Variants in KCND3 observed in about 807,000 individuals in gnomAD.
The protein encoded by KCND3 is potassium voltage-gated channel subfamily D member 3.
Under a neutral mutation model 51.1 loss-of-function variants are expected in KCND3, and 9 were observed. That is an observed-to-expected ratio of 0.18 (90% confidence interval 0.11 to 0.31). The LOEUF (loss-of-function observed/expected upper bound fraction) is 0.31, where lower values mean the gene tolerates loss of function less well. Ranked by LOEUF, KCND3 falls within the 10% of genes least tolerant of loss-of-function variation. KCND3 has a pLI of 1.00. For synonymous variants in KCND3, 349 were observed against 368.0 expected, an observed-to-expected ratio of 0.95 and a Z score of 0.59; for missense variants, 526 against 903.8, an observed-to-expected ratio of 0.58 and a Z score of 5.36.
chr1:111,940,480 G>C (rs552584339), intron 2 of KCND3, among the ~76,000 whole-genome samples: 1 of 152,230 alleles, frequency 6.6e-6, no homozygotes, highest in South Asian at 2.1e-4. Context: ...TTATTAAAGA[G>C]GGAATTCTTT....
intron 2 of KCND3, among the ~76,000 whole-genome samples, chr1:111,902,851 A>G (rs998879454): frequency 2.0e-5 from 3 of 152,178 alleles, no homozygotes; most frequent in African/African-American, 7.2e-5. Context: ...TATGATTAGT[A>G]CCTTCATATA....
chr1:111,968,607 C>G (rs1373976443), intron 2 of KCND3, among the ~76,000 whole-genome samples: 1 of 152,172 alleles, frequency 6.6e-6, no homozygotes, highest in Non-Finnish European at 1.5e-5. Context: ...ATCTTCCTCC[C>G]CTACCCCCGG....
intron 2 of KCND3, among the ~76,000 whole-genome samples, chr1:111,868,513 AG>A (rs1668684093): frequency 6.6e-6 from 1 of 152,200 alleles, no homozygotes; most frequent in Non-Finnish European, 1.5e-5. Flanking sequence ...CCGTGGTCTC[AG>A]GTGGCCTCTG....
chr1:111,959,287 C>G (rs1432541769), intron 2 of KCND3, among the ~76,000 whole-genome samples: 2 of 152,160 alleles, frequency 1.3e-5, no homozygotes, highest in Admixed American at 1.3e-4. Context: ...GCTATAGTTA[C>G]TCAAGGATGG....
rs760907112 is a variant in KCND3 at position 111,776,099 on chromosome 1, A to G, written c.1946T>C (p.Val649Ala). ...NTNIPSIASN[V>A]VKVSAL ...GTTTTACAAGGCGGAGACCTTGACA[A>G]CATTGCTGGCTATGGAAGGAATGTT... The change falls in exon 8 of 8, where the codon GTT (valine) becomes GCT (alanine). Residue 649 changes from valine to alanine, a missense_variant. Around this residue, in one of 5 missense-constraint regions of KCND3, gnomAD observed 266 missense variants for 305.5 expected, o/e 0.87. Transcript: ENST00000302127. 7 of 1,614,150 alleles carry G rather than the reference A, an allele frequency of 4.3e-6. No individual in the cohort carries two copies. In the Admixed American group the frequency reaches 1.0e-4, roughly 23 times the overall value.
chr1:111,899,554 G>A (rs535738693), intron 2 of KCND3, among the ~76,000 whole-genome samples: 16 of 152,306 alleles, frequency 1.1e-4, no homozygotes, highest in Admixed American at 8.5e-4. Flanking sequence ...CTGTGATTTC[G>A]CACTCCCTCC....
At chr1:111,954,117 G>T (rs896108163) in intron 2 of KCND3, among the ~76,000 whole-genome samples, 1 of 152,180 alleles carries the variant, frequency 6.6e-6, no homozygotes, top group Non-Finnish European at 1.5e-5. Flanking sequence ...GGCCCATAGA[G>T]CTCCCTTCTC....
chr1:111,961,250 C>T (rs990136080), intron 2 of KCND3, among the ~76,000 whole-genome samples: 2 of 152,220 alleles, frequency 1.3e-5, no homozygotes, highest in Non-Finnish European at 2.9e-5. Context: ...TAGGCGCCAG[C>T]GAGGCCATTG....
At position 111,989,542 on chromosome 1, in the gene KCND3, C is replaced by T. The variant is rs1316254602; in HGVS notation, c.-110G>A. Among the ~76,000 whole-genome samples, 1 of 150,126 alleles carries T rather than the reference C, an allele frequency of 6.7e-6. No homozygotes were observed. The highest frequency in any genetic ancestry group is 2.4e-5 in the African/African-American group (1 of 41,148). On this transcript the variant is annotated 5_prime_UTR_variant, in exon 1 of 8. Transcript: ENST00000302127. ...CAGCCCGGGCCCCGCGCCCGGCGCC[C>T]CGCGCGCGCGAGGAAGCTGCGGCCG...
At chr1:111,815,300 C>T (rs1027260794) in intron 2 of KCND3, among the ~76,000 whole-genome samples, 4 of 151,960 alleles carry the variant, frequency 2.6e-5, no homozygotes, top group Admixed American at 1.3e-4. Flanking sequence ...CCTTTCTCTC[C>T]TTCTTTCCTC....
At chr1:111,916,160 T>C (rs1055887016) in intron 2 of KCND3, among the ~76,000 whole-genome samples, 1 of 152,208 alleles carries the variant, frequency 6.6e-6, no homozygotes, top group South Asian at 2.1e-4. Context: ...CTGGCTAAGA[T>C]AAGACCGTAT....
At chr1:111,854,462 G>C (rs2101672835) in intron 2 of KCND3, among the ~76,000 whole-genome samples, 1 of 152,256 alleles carries the variant, frequency 6.6e-6, no homozygotes, top group African/African-American at 2.4e-5. Flanking sequence ...GCTTAGCCTA[G>C]ATAGGGACTT....
chr1:111,862,084 C>A (rs983523258), intron 2 of KCND3, among the ~76,000 whole-genome samples: 1 of 152,198 alleles, frequency 6.6e-6, no homozygotes, highest in Non-Finnish European at 1.5e-5. Context: ...TAGTGCAGGG[C>A]GCTGGCTGGG....
At chr1:111,935,944 G>A (rs1672198884) in intron 2 of KCND3, among the ~76,000 whole-genome samples, 1 of 152,190 alleles carries the variant, frequency 6.6e-6, no homozygotes, top group Admixed American at 6.5e-5. Flanking sequence ...CAAATGTGCT[G>A]AGGGAAAATA....
chr1:111,972,212 G>C (rs1045709931), intron 2 of KCND3, among the ~76,000 whole-genome samples: 13 of 109,292 alleles, frequency 1.2e-4, no homozygotes, highest in Middle Eastern at 9.3e-3. Flanking sequence ...TCGCTCTGTT[G>C]CCCAGGCTGG....
chr1:111,984,396 C>G (rs1315764855), intron 1 of KCND3, among the ~76,000 whole-genome samples: 1 of 152,192 alleles, frequency 6.6e-6, no homozygotes, highest in East Asian at 1.9e-4. Context: ...CATGACGTCC[C>G]TAACTGCAGG....
chr1:111,889,831 CAGG>C (rs200509563), intron 2 of KCND3, among the ~76,000 whole-genome samples: 4,687 of 152,164 alleles, frequency 0.031, 99 homozygotes, highest in Non-Finnish European at 0.041. Context: ...AGACGGGGAG[CAGG>C]AGGCCTGGGG....
intron 2 of KCND3, among the ~76,000 whole-genome samples, chr1:111,941,506 C>T (rs1274515532): frequency 2.6e-5 from 4 of 152,166 alleles, no homozygotes. Flanking sequence ...GTTTTACCCT[C>T]GAGTACACAT....
chr1:111,932,939 A>G (rs1019926689), intron 2 of KCND3, among the ~76,000 whole-genome samples: 10 of 152,188 alleles, frequency 6.6e-5, no homozygotes, highest in African/African-American at 2.4e-4. Flanking sequence ...TTCATCAGCA[A>G]ACATTTATAG....
Sources: gnomAD v4.1 joint callset for allele counts (sites outside exome capture counted in the v4.1 genomes callset) on GRCh38, gnomAD v4.1.1 for gene constraint, gnomAD v4.1.1 regional missense constraint, MANE v1.5 for transcripts, NCBI Gene and HGNC (gene_info 2026-07-23, HGNC 2026-07-21) for gene names.